Variants in MYO10 observed in about 807,000 individuals in gnomAD.
MYO10 encodes the protein myosin X, also known as unconventional myosin-X.
MYO10 carries 133 observed loss-of-function variants against 257.3 expected under a neutral mutation model. The observed-to-expected ratio is 0.52, with a 90% CI of 0.45 to 0.60. The LOEUF (loss-of-function observed/expected upper bound fraction) is 0.60. MYO10 is among the 20% of genes least tolerant of loss of function. MYO10 has a pLI of 0.00. For missense variants in MYO10, 2,399 were observed against 2,635.7 expected (o/e 0.91, Z 1.97); for synonymous variants, 1,104 against 1,028.6 (o/e 1.07, Z -1.40).
chr5:16,919,859 T>C (rs1408544732), intron 1 of MYO10, among the ~76,000 whole-genome samples: 1 of 152,096 alleles, frequency 6.6e-6, no homozygotes, highest in Admixed American at 6.6e-5. Flanking sequence ...ACACCTGTAA[T>C]CCCAGCACTT....
intron 1 of MYO10, among the ~76,000 whole-genome samples, chr5:16,893,193 T>A (rs1745114616): frequency 3.9e-5 from 1 of 25,970 alleles, no homozygotes. Flanking sequence ...TGAGACTCTG[T>A]CTCAAAAAAA....
At chr5:16,796,456 G>GAA (rs1420563839) in intron 3 of MYO10, among the ~76,000 whole-genome samples, 1 of 95,150 alleles carries the variant, frequency 1.1e-5, no homozygotes, top group African/African-American at 3.8e-5. Flanking sequence ...AAGAAAGAAA[G>GAA]AAAGAAAGAA....
rs764116477 is a variant in MYO10 at position 16,701,558 on chromosome 5, T to C, written c.2837A>G (p.Asn946Ser). 9 of 1,613,620 alleles carry C rather than the reference T, an allele frequency of 5.6e-6. No homozygotes were observed. Among genetic ancestry groups the C allele is most frequent in the Middle Eastern group, 1.6e-4 (1 of 6,084 alleles). ...GACACACTCGTCGATCTCGTCGAAA[T>C]TGAGGGACTCGAGGAACTCCTGGGC... is the stretch of plus-strand genomic sequence containing the variant. ...RAAQEFLESL[N>S]FDEIDECVRN... Residue 946 changes from asparagine (N) to serine (S), a missense_variant, in exon 25 of 41, where the codon AAT becomes AGT. This residue lies in a region of MYO10 where 1,820 missense variants were observed against 1,939.4 expected (regional missense o/e 0.94). Transcript: ENST00000513610. This position sits in a 1 kb window ranked among gnomAD's most constrained non-coding sequence, Gnocchi z 8.1.
At chr5:16,749,003 G>GT (rs1740300873) in intron 19 of MYO10, among the ~76,000 whole-genome samples, 1 of 152,072 alleles carries the variant, frequency 6.6e-6, no homozygotes, top group African/African-American at 2.4e-5. Context: ...AGAGACAGAT[G>GT]GGGCTCCAAG....
intron 1 of MYO10, among the ~76,000 whole-genome samples, chr5:16,901,566 C>G (rs945330445): frequency 3.3e-5 from 5 of 152,202 alleles, no homozygotes; most frequent in Admixed American, 6.5e-5. Flanking sequence ...CCCAAGCTTA[C>G]CTCTACGGCA....
At chr5:16,781,626 T>G in intron 6 of MYO10, 79 bp downstream of exon 6, 1 of 1,381,400 alleles carries the variant, frequency 7.2e-7, no homozygotes, top group Admixed American at 2.3e-5. Flanking sequence ...CACATTCTTT[T>G]TCAATCCTTA....
chr5:16,763,694 T>C lies in MYO10; in HGVS notation c.1388A>G (p.Asn463Ser), dbSNP rs775083275. Residue 463 changes from asparagine to serine, a missense_variant, in exon 13 of 41, where the codon AAC becomes AGC. By Grantham distance (46) the Asn-to-Ser change is conservative. Coordinates refer to ENST00000513610, the MANE Select transcript of MYO10 (RefSeq NM_012334.3). ...TTGTTCTAAAGAAAAAATATGCTTG[T>C]TGAAGTACTCCTGAAGTTTCTCGTT... The part of the protein sequence containing the change: ...YANEKLQEYF[N>S]KHIFSLEQLE... The C allele has an allele frequency of 3.7e-6, 6 of 1,611,160 alleles. No homozygotes were observed. In the South Asian group the frequency reaches 5.5e-5, roughly 15 times the overall value.
intron 1 of MYO10, among the ~76,000 whole-genome samples, chr5:16,890,880 A>T (rs1335739687): frequency 6.6e-6 from 1 of 151,866 alleles, no homozygotes; most frequent in Non-Finnish European, 1.5e-5. Context: ...GAACTGATAC[A>T]TGCTATAACA....
intron 17 of MYO10, among the ~76,000 whole-genome samples, chr5:16,759,726 A>C (rs1304744427): frequency 6.6e-6 from 1 of 152,230 alleles, no homozygotes; most frequent in East Asian, 1.9e-4. Context: ...GCTTTTATTT[A>C]AACGTATCGC....
At chr5:16,675,661 C>T (rs1736690307) in intron 34 of MYO10, among the ~76,000 whole-genome samples, 1 of 152,104 alleles carries the variant, frequency 6.6e-6, no homozygotes, top group African/African-American at 2.4e-5. Context: ...CGACCTTAAC[C>T]TGGGAGGCAG....
chr5:16,859,044 G>A (rs894678052), intron 2 of MYO10, among the ~76,000 whole-genome samples: 8 of 152,224 alleles, frequency 5.3e-5, no homozygotes, highest in Admixed American at 6.5e-5. Flanking sequence ...GGATTTACCC[G>A]CCTGCTCTTT....
chr5:16,762,782 T>G (rs758489876), intron 14 of MYO10, 145 bp from the exon 15 acceptor site: 98 of 584,062 alleles, frequency 1.7e-4, no homozygotes, highest in Non-Finnish European at 2.2e-4. Flanking sequence ...TGGCCAACAG[T>G]GAAACCCTGT....
intron 1 of MYO10, among the ~76,000 whole-genome samples, chr5:16,907,809 G>A (rs1745556519): frequency 6.6e-6 from 1 of 152,098 alleles, no homozygotes; most frequent in Non-Finnish European, 1.5e-5. Flanking sequence ...AGGCAATGAG[G>A]GTGGGTAAAG....
intron 18 of MYO10, among the ~76,000 whole-genome samples, chr5:16,755,445 G>A (rs756062462): frequency 1.2e-4 from 19 of 152,222 alleles, no homozygotes; most frequent in Non-Finnish European, 2.2e-4. Context: ...GATTACAGGC[G>A]TGAGCCACCG....
In MYO10 at chr5:16,664,959, A is replaced by C. The variant is rs1210539520; in HGVS notation, c.*1733T>G. On this transcript the variant is annotated 3_prime_UTR_variant, in exon 41 of 41. Transcript: ENST00000513610. ...AAGCCGGCCGGGTGCGGTAGCTCAC[A>C]CCTGTAATCCCAGCACTTTGGGAGG... The C allele has an allele frequency of 1.3e-5, 2 of 152,278 alleles. No individual in the cohort carries two copies. The highest frequency in any genetic ancestry group is 2.9e-5 in the Non-Finnish European group (2 of 68,142). 9.4% of individuals were successfully genotyped at this position (152,278 alleles called of 1,614,324 possible). A position where few individuals can be genotyped will look rare whatever the true frequency, so the allele number is the denominator to read the frequency against.
intron 19 of MYO10, among the ~76,000 whole-genome samples, chr5:16,729,324 C>T (rs745821306): frequency 2.6e-5 from 4 of 152,148 alleles, no homozygotes; most frequent in Admixed American, 6.6e-5. Flanking sequence ...AAGTCTAAAA[C>T]GTGGATTCAG....
chr5:16,712,325 T>C (rs1738657287), intron 19 of MYO10, among the ~76,000 whole-genome samples: 1 of 152,238 alleles, frequency 6.6e-6, no homozygotes. Context: ...TGTTCTTTTA[T>C]TTGTTCAGCT....
rs1269955168 is a variant in MYO10, at chr5:16,664,354, T to C, written c.*2338A>G. 3 of 152,302 alleles carry C rather than the reference T, an allele frequency of 2.0e-5. No individual in the cohort carries two copies. The highest frequency in any genetic ancestry group is 7.2e-5 in the African/African-American group (3 of 41,574). The allele number at this position is 152,302 out of a possible 1,614,324, so 9.4% of individuals were successfully genotyped here. On this transcript the variant is annotated 3_prime_UTR_variant, in exon 41 of 41. Transcript: ENST00000513610. ...AGAGTAAATTAAGTCACAGAGGGAA[T>C]CCTGAGAGGTGAGCAGTAGAAAGAA...
At chr5:16,757,956 C>T (rs1403654661) in intron 18 of MYO10, among the ~76,000 whole-genome samples, 162 bp downstream of exon 18, 4 of 152,248 alleles carry the variant, frequency 2.6e-5, no homozygotes, top group African/African-American at 9.6e-5. Flanking sequence ...TGAGCCAAAA[C>T]TCTATTTTAT....
Sources: allele counts gnomAD v4.1 joint callset (sites outside exome capture counted in the v4.1 genomes callset), GRCh38; gene constraint gnomAD v4.1.1; regional missense constraint gnomAD v4.1.1; non-coding constraint Gnocchi (gnomAD v3.1); transcripts MANE v1.5; gene names NCBI Gene and HGNC (gene_info 2026-07-23, HGNC 2026-07-21).